The following ZNF385D variants were observed in gnomAD, a reference collection of about 807,000 sequenced individuals.
The protein encoded by ZNF385D is zinc finger protein 385D, also known as zinc finger protein 659.
ZNF385D carries 15 observed loss-of-function variants against 35.8 expected under a neutral mutation model. That is an observed-to-expected ratio of 0.42 (90% confidence interval 0.28 to 0.64). The LOEUF is 0.64. Ranked by LOEUF, ZNF385D falls within the 30% of genes least tolerant of loss-of-function variation. The probability of loss-of-function intolerance (pLI) is 0.23; values close to 1 mark genes in which losing one functional copy is unlikely to be tolerated. For missense variants in ZNF385D, 474 were observed against 494.6 expected (o/e 0.96, Z 0.39); for synonymous variants, 212 against 186.8 (o/e 1.13, Z -1.10).
At chr3:21,604,282 G>T (rs1403719803) in intron 2 of ZNF385D, among the ~76,000 whole-genome samples, 2 of 152,156 alleles carry the variant, frequency 1.3e-5, no homozygotes, top group African/African-American at 4.8e-5. Context: ...AGATGGAGGA[G>T]ATGCTTCAAA....
chr3:21,812,561 C>T (rs2072971025), intron 3 of ZNF385D, among the ~76,000 whole-genome samples: 2 of 152,252 alleles, frequency 1.3e-5, no homozygotes, highest in Non-Finnish European at 2.9e-5. Context: ...CCATGCCTGG[C>T]TTGGAGGGTC....
intron 3 of ZNF385D, among the ~76,000 whole-genome samples, chr3:21,829,521 A>G (rs1266206726): frequency 6.6e-6 from 1 of 152,088 alleles, no homozygotes; most frequent in African/African-American, 2.4e-5. Flanking sequence ...AAAAAGCTTG[A>G]ATTTTATCCA....
At chr3:22,022,470 T>C (rs1697285740) in intron 3 of ZNF385D, among the ~76,000 whole-genome samples, 1 of 152,086 alleles carries the variant, frequency 6.6e-6, no homozygotes, top group South Asian at 2.1e-4. Flanking sequence ...ATGAACAGCA[T>C]CAAGAAATAA....
At chr3:21,872,481 T>C (rs1319807894) in intron 3 of ZNF385D, among the ~76,000 whole-genome samples, 1 of 152,166 alleles carries the variant, frequency 6.6e-6, no homozygotes, top group African/African-American at 2.4e-5. Context: ...TAAAAACATA[T>C]TGTTGGTCTT....
At chr3:21,783,288 C>T (rs2125641009) in intron 3 of ZNF385D, among the ~76,000 whole-genome samples, 1 of 152,204 alleles carries the variant, frequency 6.6e-6, no homozygotes, top group Non-Finnish European at 1.5e-5. Context: ...TTAGTTTGGT[C>T]AGGGCTTCCA....
In ZNF385D at chr3:21,728,124, G is replaced by A. The variant is rs533612173; in HGVS notation, c.22+22771C>T. On this transcript the variant is annotated intron_variant, in intron 1 of 7. Transcript: ENST00000281523. ...ACACAGGGAGTGAACATCACACATC[G>A]CGGCCTGTCGGGTGGTGGAGGGCTA... Among the ~76,000 whole-genome samples, 8 of 152,086 alleles carry A rather than the reference G, an allele frequency of 5.3e-5. No homozygotes were observed. The South Asian group carries it at 1.2e-3, about 24-fold the overall frequency.
At chr3:21,853,535 G>A (rs1696522198) in intron 3 of ZNF385D, among the ~76,000 whole-genome samples, 1 of 135,454 alleles carries the variant, frequency 7.4e-6, no homozygotes. Flanking sequence ...GTTCAAGAAT[G>A]TCACTTTATC....
At chr3:22,069,452 G>C (rs548784587) in intron 3 of ZNF385D, among the ~76,000 whole-genome samples, 1 of 152,276 alleles carries the variant, frequency 6.6e-6, no homozygotes, top group African/African-American at 2.4e-5. Flanking sequence ...GAACCCCGAG[G>C]GGTGTGAATG....
intron 2 of ZNF385D, among the ~76,000 whole-genome samples, chr3:21,603,084 C>G (rs2064363963): frequency 6.6e-6 from 1 of 152,144 alleles, no homozygotes; most frequent in Non-Finnish European, 1.5e-5. Flanking sequence ...TAAATTTCAT[C>G]AAGTTTATTT....
intron 3 of ZNF385D, among the ~76,000 whole-genome samples, chr3:21,989,008 C>G (rs561993952): frequency 6.6e-6 from 1 of 152,096 alleles, no homozygotes; most frequent in Non-Finnish European, 1.5e-5. Context: ...CGCCCTGCTT[C>G]GGCTCGCGCA....
rs890632044 is a variant in ZNF385D at position 21,912,252 on chromosome 3, C to G, written c.326-247224G>C. Among the ~76,000 whole-genome samples the G allele has an allele frequency of 2.0e-5, 3 of 151,940 alleles. No homozygotes were observed. The South Asian group carries it at 6.2e-4, about 31-fold the overall frequency. Reference sequence around the variant, plus strand: ...CTCGTTAAAATGGGAAACTAAGGCACAATATTTAAGACAATAATAACCCCA... The same window carrying G: ...CTCGTTAAAATGGGAAACTAAGGCAGAATATTTAAGACAATAATAACCCCA... On this transcript the variant is annotated intron_variant, in intron 3 of 5. Coordinates refer to the ZNF385D transcript ENST00000494108.
chr3:21,662,726 C>T (rs9824268), intron 2 of ZNF385D, among the ~76,000 whole-genome samples: 1 of 151,896 alleles, frequency 6.6e-6, no homozygotes. Context: ...AACAGAGGGC[C>T]TCTTGGTTTA....
chr3:21,982,063 T>C (rs376373075), intron 3 of ZNF385D, among the ~76,000 whole-genome samples: 11 of 147,706 alleles, frequency 7.4e-5, no homozygotes, highest in Admixed American at 6.2e-4. Flanking sequence ...TTTGGTTCCA[T>C]TTGAATTTTA....
chr3:21,802,426 A>C (rs1325739274), intron 3 of ZNF385D, among the ~76,000 whole-genome samples: 1 of 152,166 alleles, frequency 6.6e-6, no homozygotes, highest in Non-Finnish European at 1.5e-5. Context: ...GAAGGCTATG[A>C]GTGCCTTCAA....
intron 3 of ZNF385D, among the ~76,000 whole-genome samples, chr3:21,820,651 T>G (rs1316550390): frequency 1.3e-5 from 2 of 151,560 alleles, no homozygotes; most frequent in South Asian, 2.1e-4. Context: ...CTTGGTTTCT[T>G]GAGGAGACTA....
chr3:22,085,460 A>G (rs1700981067), intron 3 of ZNF385D, among the ~76,000 whole-genome samples: 1 of 152,232 alleles, frequency 6.6e-6, no homozygotes, highest in African/African-American at 2.4e-5. Flanking sequence ...CCATGCAAAT[A>G]AACTAGAAAA....
intron 3 of ZNF385D, among the ~76,000 whole-genome samples, chr3:22,002,469 A>C (rs1028946658): frequency 6.6e-6 from 1 of 152,130 alleles, no homozygotes. Context: ...CCTAGGACTT[A>C]ACAGCTTTAC....
At chr3:21,707,669 G>T (rs1459432754) in intron 1 of ZNF385D, among the ~76,000 whole-genome samples, 1 of 152,188 alleles carries the variant, frequency 6.6e-6, no homozygotes, top group Non-Finnish European at 1.5e-5. Flanking sequence ...GCAGCATTTG[G>T]AAAGGGCATG....
intron 2 of ZNF385D, among the ~76,000 whole-genome samples, chr3:22,297,268 G>T (rs1450408504): frequency 2.0e-5 from 3 of 151,922 alleles, no homozygotes; most frequent in Admixed American, 6.6e-5. Context: ...TCATACATAT[G>T]TCTGAACACC....
Sources: gnomAD v4.1 joint callset for allele counts (sites outside exome capture counted in the v4.1 genomes callset) on GRCh38, gnomAD v4.1.1 for gene constraint, MANE v1.5 for transcripts, NCBI Gene and HGNC (gene_info 2026-07-23, HGNC 2026-07-21) for gene names.